CCDC192: variants seen among roughly 807,000 people sequenced by gnomAD.
CCDC192 encodes coiled-coil domain-containing protein 192.
intron 3 of CCDC192, among the ~76,000 whole-genome samples, chr5:127,775,428 G>T (rs1005987590): frequency 6.6e-6 from 1 of 152,138 alleles, no homozygotes; most frequent in Non-Finnish European, 1.5e-5. Flanking sequence ...CACAACAAGG[G>T]CTCTTGCCCA....
chr5:127,856,994 A>T (rs974892101), intron 5 of CCDC192, among the ~76,000 whole-genome samples: 1 of 152,246 alleles, frequency 6.6e-6, no homozygotes, highest in Non-Finnish European at 1.5e-5. Flanking sequence ...GCACTGATAG[A>T]CTTGCTTGAC....
At chr5:127,801,861 A>C (rs1445248151) in intron 5 of CCDC192, among the ~76,000 whole-genome samples, 1 of 152,216 alleles carries the variant, frequency 6.6e-6, no homozygotes, top group Non-Finnish European at 1.5e-5. Flanking sequence ...CATGAGTAGC[A>C]AGCTTTTATA....
intron 6 of CCDC192, among the ~76,000 whole-genome samples, chr5:127,897,121 C>T (rs1752915265): frequency 6.6e-6 from 1 of 150,870 alleles, no homozygotes; most frequent in Non-Finnish European, 1.5e-5. Context: ...TTAGTATAAC[C>T]AGACAAGCAA....
chr5:127,805,108 T>G (rs1786827547), intron 5 of CCDC192, among the ~76,000 whole-genome samples: 1 of 152,194 alleles, frequency 6.6e-6, no homozygotes, highest in African/African-American at 2.4e-5. Context: ...CACTTCTATG[T>G]GCTCTAGAAG....
chr5:127,776,629 C>T (rs1277102761), intron 3 of CCDC192, among the ~76,000 whole-genome samples: 1 of 152,234 alleles, frequency 6.6e-6, no homozygotes, highest in Non-Finnish European at 1.5e-5. Context: ...AAGGTCTTCA[C>T]AGCAGACCCT....
chr5:127,785,431 G>A, intron 3 of CCDC192: 1 of 333,070 alleles, frequency 3.0e-6, no homozygotes, highest in Non-Finnish European at 5.9e-6. Context: ...ATCCACTGAA[G>A]TTTAGAGGTA....
intron 3 of CCDC192, among the ~76,000 whole-genome samples, chr5:127,758,703 A>G (rs1374580172): frequency 6.6e-6 from 1 of 152,178 alleles, no homozygotes; most frequent in African/African-American, 2.4e-5. Flanking sequence ...AAAAAGGGTG[A>G]ATAAAAGGGA....
chr5:127,749,902 G>C (rs966030982), intron 2 of CCDC192, among the ~76,000 whole-genome samples: 12 of 152,182 alleles, frequency 7.9e-5, no homozygotes, highest in Non-Finnish European at 1.6e-4. Flanking sequence ...TATTTGCGTA[G>C]AGGTGTTTAT....
At chr5:127,853,577 A>T (rs762726114) in intron 5 of CCDC192, among the ~76,000 whole-genome samples, 11 of 152,292 alleles carry the variant, frequency 7.2e-5, no homozygotes, top group Non-Finnish European at 1.5e-4. Context: ...GTTTGATATC[A>T]GCCTGGCCAA....
At chr5:127,804,687 C>T (rs1757686872) in intron 5 of CCDC192, among the ~76,000 whole-genome samples, 1 of 152,194 alleles carries the variant, frequency 6.6e-6, no homozygotes, top group African/African-American at 2.4e-5. Flanking sequence ...AAATGTGGCT[C>T]CTGAACCAGA....
intron 5 of CCDC192, among the ~76,000 whole-genome samples, chr5:127,853,995 G>A (rs1696631794): frequency 6.6e-6 from 1 of 152,068 alleles, no homozygotes; most frequent in Admixed American, 6.5e-5. Flanking sequence ...AGGCACCATG[G>A]CACCTTCATC....
chr5:127,734,534 G>A (rs1752851992), intron 2 of CCDC192, among the ~76,000 whole-genome samples: 1 of 145,728 alleles, frequency 6.9e-6, no homozygotes, highest in Non-Finnish European at 1.5e-5. Context: ...CTAGTTTACA[G>A]TCCCACCAAC....
intron 6 of CCDC192, among the ~76,000 whole-genome samples, chr5:127,918,501 C>T (rs1753595350): frequency 6.6e-6 from 1 of 152,088 alleles, no homozygotes; most frequent in South Asian, 2.1e-4. Context: ...AACTTAGAGG[C>T]TTGTATATAT....
chr5:127,859,435 G>A (rs1397030931), intron 5 of CCDC192, among the ~76,000 whole-genome samples: 1 of 152,096 alleles, frequency 6.6e-6, no homozygotes, highest in Non-Finnish European at 1.5e-5. Flanking sequence ...GAATCTGGCT[G>A]TGCAACAGAA....
At chr5:127,914,836 T>C (rs1234770760) in intron 6 of CCDC192, among the ~76,000 whole-genome samples, 3 of 152,176 alleles carry the variant, frequency 2.0e-5, no homozygotes, top group Non-Finnish European at 4.4e-5. Flanking sequence ...GACACATGAA[T>C]AAACTGAGGC....
chr5:127,901,523 T>A (rs1197790332), intron 6 of CCDC192, among the ~76,000 whole-genome samples: 1 of 152,154 alleles, frequency 6.6e-6, no homozygotes, highest in Non-Finnish European at 1.5e-5. Context: ...CAGAGAGTCA[T>A]TAGATATGAA....
At chr5:127,756,951 C>A (rs1754634318) in intron 3 of CCDC192, among the ~76,000 whole-genome samples, 1 of 152,206 alleles carries the variant, frequency 6.6e-6, no homozygotes, top group Non-Finnish European at 1.5e-5. Flanking sequence ...ATTTAAGATT[C>A]TTAGCTGGAT....
chr5:127,769,946 C>T (rs757688718), intron 3 of CCDC192, among the ~76,000 whole-genome samples: 7 of 151,896 alleles, frequency 4.6e-5, no homozygotes, highest in South Asian at 2.1e-4. Context: ...GAGATAAAAA[C>T]GGAAAGAGGG....
intron 2 of CCDC192, chr5:127,740,177 G>GGT (rs1479724203): frequency 6.6e-6 from 1 of 152,194 alleles, no homozygotes; most frequent in Non-Finnish European, 1.5e-5. Context: ...GAGGTACAAT[G>GGT]GTGTTCTCAT....
Sources: gnomAD v4.1 joint callset for allele counts (sites outside exome capture counted in the v4.1 genomes callset) on GRCh38, gnomAD v4.1.1 for gene constraint, MANE v1.5 for transcripts, NCBI Gene and HGNC (gene_info 2026-07-23, HGNC 2026-07-21) for gene names.